IKZF2: variants seen among roughly 807,000 people sequenced by gnomAD.
IKZF2 encodes the protein zinc finger protein Helios.
A neutral mutation model predicts 49.2 loss-of-function variants in IKZF2; 15 were observed. That is an observed-to-expected ratio of 0.30 (90% CI 0.20 to 0.47). The LOEUF (loss-of-function observed/expected upper bound fraction) is 0.47. IKZF2 is among the 20% of genes least tolerant of loss of function. IKZF2 has a pLI of 1.00. For synonymous variants in IKZF2, 227 were observed against 221.4 expected (o/e 1.03, Z -0.23); for missense variants, 567 against 664.6 (o/e 0.85, Z 1.61).
intron 4 of IKZF2, among the ~76,000 whole-genome samples, chr2:213,132,852 A>G (rs1476240182): frequency 1.3e-5 from 2 of 152,234 alleles, no homozygotes; most frequent in Non-Finnish European, 2.9e-5. Flanking sequence ...CAATTTAATT[A>G]GGTAATTTTA....
intron 4 of IKZF2, among the ~76,000 whole-genome samples, chr2:213,114,765 C>G (rs1306105854): frequency 6.6e-6 from 1 of 151,980 alleles, no homozygotes; most frequent in Non-Finnish European, 1.5e-5. Context: ...AACCTCATCT[C>G]TACTAAAAAT....
intron 4 of IKZF2, among the ~76,000 whole-genome samples, chr2:213,132,235 G>GT: frequency 6.6e-6 from 1 of 151,774 alleles, no homozygotes; most frequent in Non-Finnish European, 1.5e-5. Flanking sequence ...CTGCCCTCAA[G>GT]GAGTTTCCAG....
chr2:213,122,579 A>C (rs13423325), intron 4 of IKZF2, among the ~76,000 whole-genome samples: 1 of 152,170 alleles, frequency 6.6e-6, no homozygotes, highest in Non-Finnish European at 1.5e-5. Flanking sequence ...AGAATTTCAT[A>C]ATGTCTCTTG....
intron 4 of IKZF2, among the ~76,000 whole-genome samples, chr2:213,080,984 GT>G (rs981028355): frequency 2.6e-5 from 4 of 152,090 alleles, no homozygotes; most frequent in Admixed American, 6.6e-5. Flanking sequence ...GTTAGGTTGA[GT>G]TTTTTTAGTA....
intron 4 of IKZF2, among the ~76,000 whole-genome samples, chr2:213,058,024 G>A (rs1701329187): frequency 6.6e-6 from 1 of 152,078 alleles, no homozygotes; most frequent in Non-Finnish European, 1.5e-5. Flanking sequence ...CAGTAATATA[G>A]AAAATTTCTT....
In IKZF2 at chr2:213,027,726, T is replaced by C. The variant is rs1018311988; in HGVS notation, c.575-5596A>G. ...CTCTTAACATTTTGAAGCCTTTTTTTCACTGGGCTACTAACCTCCAAAGTT... is the reference window on the plus strand; with the variant it reads ...CTCTTAACATTTTGAAGCCTTTTTTCCACTGGGCTACTAACCTCCAAAGTT... On this transcript the variant is annotated intron_variant, in intron 6 of 8. Transcript: ENST00000434687. Among the ~76,000 whole-genome samples, 7 of 152,284 alleles carry C rather than the reference T, an allele frequency of 4.6e-5. No individual in the cohort carries two copies. In the South Asian group the frequency reaches 8.3e-4, roughly 18 times the overall value.
chr2:213,011,747 T>C (rs1559160020), intron 8 of IKZF2, among the ~76,000 whole-genome samples: 2 of 151,698 alleles, frequency 1.3e-5, no homozygotes, highest in Non-Finnish European at 2.9e-5. Context: ...TATTCATTCA[T>C]ATATATTGAT....
chr2:213,007,259 A>G lies in IKZF2; in HGVS notation c.*101T>C, dbSNP rs772933625. 46 of 1,272,956 alleles carry G rather than the reference A, an allele frequency of 3.6e-5. No individual in the cohort carries two copies. Among genetic ancestry groups the G allele is most frequent in the Non-Finnish European group, 4.8e-5 (44 of 922,068 alleles). 78.9% of individuals were successfully genotyped at this position (1,272,956 alleles called of 1,614,324 possible). A position where few individuals can be genotyped will look rare whatever the true frequency, so the allele number is the denominator to read the frequency against. ...CAACAGTAATAATATTAAAAAAAAT[A>G]AAAGGTATGTCAACATTTGAGGAAA... On this transcript the variant is annotated 3_prime_UTR_variant, in exon 9 of 9. Coordinates refer to ENST00000434687, the MANE Select transcript of IKZF2 (RefSeq NM_001387220.1).
chr2:213,095,181 C>T (rs1705830161), intron 4 of IKZF2, among the ~76,000 whole-genome samples: 1 of 151,982 alleles, frequency 6.6e-6, no homozygotes, highest in Non-Finnish European at 1.5e-5. Context: ...AGTAAGTGAA[C>T]ATTAAAATGA....
Position 213,007,346 on chromosome 2 carries a change from T to C in IKZF2, c.*14A>G. ...TTCTTTACTTCATAGGGGTCCCCTT[T>C]GGAATGAAAAGGCCTAGTGGAATGT... is the stretch of plus-strand genomic sequence containing the variant. On this transcript the variant is annotated 3_prime_UTR_variant, in exon 9 of 9. Transcript: ENST00000434687. 6.2e-7 allele frequency: 1 copy of C among 1,609,340 alleles called. No individual in the cohort carries two copies. Among genetic ancestry groups the C allele is most frequent in the Non-Finnish European group, 8.5e-7 (1 of 1,177,720 alleles).
At position 213,102,628 on chromosome 2, in the gene IKZF2, C is replaced by T. The variant is rs576080977; in HGVS notation, c.139+45080G>A. Among the ~76,000 whole-genome samples, 46 of 150,644 alleles carry T rather than the reference C, an allele frequency of 3.1e-4. No homozygotes were observed. The East Asian group carries it at 6.7e-3, about 22-fold the overall frequency. ...AAAAATAATGCATAAAAATCCACAG[C>T]ATATAGCAAAATGAATTTTAATAAG... On this transcript the variant is annotated intron_variant, in intron 4 of 8. Coordinates refer to ENST00000434687, the MANE Select transcript of IKZF2 (RefSeq NM_001387220.1).
chr2:213,145,173 A>C (rs1428801766), intron 4 of IKZF2, among the ~76,000 whole-genome samples: 2 of 110,094 alleles, frequency 1.8e-5, no homozygotes, highest in African/African-American at 9.7e-5. Flanking sequence ...CTGTTTTACT[A>C]AAAAAAAAAA....
intron 4 of IKZF2, among the ~76,000 whole-genome samples, chr2:213,127,033 T>C (rs567479918): frequency 1.4e-4 from 22 of 152,280 alleles, no homozygotes; most frequent in African/African-American, 5.3e-4. Flanking sequence ...TTTCTCCAGC[T>C]CCAACCACAA....
intron 6 of IKZF2, among the ~76,000 whole-genome samples, chr2:213,027,062 CA>C (rs1293081452): frequency 1.3e-5 from 2 of 152,074 alleles, no homozygotes; most frequent in Non-Finnish European, 2.9e-5. Flanking sequence ...GCAATCTAAT[CA>C]AAATCCCAAA....
rs145648418 is a variant in IKZF2, at chr2:213,013,195, T to C, written c.856+596A>G. Among the ~76,000 whole-genome samples the C allele has an allele frequency of 2.4e-4, 36 of 152,188 alleles. 1 individual carries two copies. The highest frequency in any genetic ancestry group is 8.7e-4 in the African/African-American group (36 of 41,568). On this transcript the variant is annotated intron_variant, in intron 8 of 8. Transcript: ENST00000434687. ...ACATCTTGAATGTAGGTTGCTGCAT[T>C]ATTTTTCCAATGCAGAATTTTGAAA... is the stretch of plus-strand genomic sequence containing the variant.
chr2:213,023,757 T>C (rs1697489555), intron 6 of IKZF2, among the ~76,000 whole-genome samples: 1 of 152,196 alleles, frequency 6.6e-6, no homozygotes, highest in South Asian at 2.1e-4. Flanking sequence ...AACCAATTAA[T>C]ACTTATTAAG....
At chr2:213,081,173 A>G (rs1267989895) in intron 4 of IKZF2, 1 of 154,778 alleles carries the variant, frequency 6.5e-6, no homozygotes, top group Non-Finnish European at 1.5e-5. Flanking sequence ...GACTTACAGC[A>G]TATAGAGCTA....
intron 4 of IKZF2, among the ~76,000 whole-genome samples, chr2:213,146,754 A>C: frequency 6.5e-5 from 1 of 15,384 alleles, no homozygotes; most frequent in Non-Finnish European, 1.5e-4. Context: ...TAGTTATTAA[A>C]TCTTCGGGGG....
chr2:213,136,154 G>A (rs990383745), intron 4 of IKZF2, among the ~76,000 whole-genome samples: 3 of 151,334 alleles, frequency 2.0e-5, no homozygotes, highest in Admixed American at 6.6e-5. Flanking sequence ...TGGATAGCCC[G>A]AGGTCAAGAG....
Sources: allele counts gnomAD v4.1 joint callset (sites outside exome capture counted in the v4.1 genomes callset), GRCh38; gene constraint gnomAD v4.1.1; transcripts MANE v1.5; gene names NCBI Gene and HGNC (gene_info 2026-07-23, HGNC 2026-07-21).